The following RPS6KC1 variants were observed in gnomAD, a reference collection of about 807,000 sequenced individuals.
RPS6KC1 encodes the protein inactive ribosomal protein S6 kinase delta-1.
A neutral mutation model predicts 103.8 loss-of-function variants in RPS6KC1; 54 were observed. That is an observed-to-expected ratio of 0.52 (90% CI 0.42 to 0.65). RPS6KC1 has a LOEUF of 0.65. Among genes scored for constraint, RPS6KC1 ranks in the 30% least tolerant of loss-of-function variants. RPS6KC1 has a pLI of 0.00. For missense variants in RPS6KC1, 1,151 were observed against 1,253.8 expected (o/e 0.92, Z 1.24); for synonymous variants, 439 against 438.7 (o/e 1.00, Z -0.01).
At chr1:213,730,721 T>A in the RPS6KC1 span, among the ~76,000 whole-genome samples, 1 of 152,182 alleles carries the variant, frequency 6.6e-6, no homozygotes. Context: ...ATTCTGTAGG[T>A]TGTCTGTTTA....
chr1:213,142,787 T>C (rs907432142), intron 6 of RPS6KC1, among the ~76,000 whole-genome samples: 2 of 152,070 alleles, frequency 1.3e-5, no homozygotes, highest in African/African-American at 4.8e-5. Context: ...TTTTTAGCAA[T>C]ATTTTTAAAT....
At chr1:213,077,960 T>C in intron 3 of RPS6KC1, 144 bp downstream of exon 3, 2 of 429,774 alleles carry the variant, frequency 4.7e-6, no homozygotes, top group Non-Finnish European at 8.1e-6. Context: ...TGAAATTGTC[T>C]TTTCTTGTTC....
chr1:213,268,959 T>C (rs997051052), intron 14 of RPS6KC1, among the ~76,000 whole-genome samples: 2 of 151,800 alleles, frequency 1.3e-5, no homozygotes, highest in African/African-American at 4.8e-5. Flanking sequence ...AGACAGTAAA[T>C]CTAGAAAACA....
chr1:213,419,026 C>T, the RPS6KC1 span, among the ~76,000 whole-genome samples: 6 of 152,244 alleles, frequency 3.9e-5, no homozygotes, highest in South Asian at 2.1e-4. Flanking sequence ...CCCCAACCCA[C>T]GCACATTCTC....
chr1:213,248,130 A>G (rs1397976436), intron 12 of RPS6KC1, among the ~76,000 whole-genome samples: 1 of 152,124 alleles, frequency 6.6e-6, no homozygotes, highest in Non-Finnish European at 1.5e-5. Flanking sequence ...AGAATGTAAG[A>G]TTGATAGAGA....
chr1:213,173,893 T>C lies in RPS6KC1; in HGVS notation c.952-2507T>C, dbSNP rs1220169379. Reference sequence around the variant, plus strand: ...TTCATAGTTTGCTTTCTTTGCTCTTTAAATTGCCAAAGTGAACAAATAACT... The same window carrying C: ...TTCATAGTTTGCTTTCTTTGCTCTTCAAATTGCCAAAGTGAACAAATAACT... On this transcript the variant is annotated intron_variant, in intron 7 of 14. Transcript: ENST00000366960. 5.3e-5 allele frequency among the ~76,000 whole-genome samples: 8 copies of C among 152,212 alleles called. No homozygotes were observed. In the East Asian group the frequency reaches 1.5e-3, roughly 29 times the overall value.
chr1:213,854,059 G>A, the RPS6KC1 span, among the ~76,000 whole-genome samples: 1 of 152,180 alleles, frequency 6.6e-6, no homozygotes, highest in African/African-American at 2.4e-5. Context: ...TGAAAAAGAA[G>A]GGGAAAACTG....
chr1:213,175,006 G>A (rs893477313), intron 7 of RPS6KC1, among the ~76,000 whole-genome samples: 8 of 151,948 alleles, frequency 5.3e-5, no homozygotes, highest in Non-Finnish European at 1.0e-4. Flanking sequence ...ATCATTTCAG[G>A]TACAGTTAAA....
chr1:213,183,968 G>A (rs1427273292), intron 8 of RPS6KC1, among the ~76,000 whole-genome samples: 2 of 152,010 alleles, frequency 1.3e-5, no homozygotes, highest in African/African-American at 4.8e-5. Context: ...GATAACAAGG[G>A]AATACTACAA....
At chr1:213,719,775 A>G in the RPS6KC1 span, among the ~76,000 whole-genome samples, 5 of 152,270 alleles carry the variant, frequency 3.3e-5, no homozygotes, top group South Asian at 1.0e-3. Context: ...CAGGTGTCAT[A>G]CAGTACGTGG....
chr1:213,085,505 G>T (rs2080306575), intron 3 of RPS6KC1, among the ~76,000 whole-genome samples: 1 of 152,208 alleles, frequency 6.6e-6, no homozygotes, highest in African/African-American at 2.4e-5. Context: ...CCTTTGGGTA[G>T]ATATTTGTAA....
intron 6 of RPS6KC1, among the ~76,000 whole-genome samples, chr1:213,144,740 T>G (rs2087522733): frequency 6.6e-6 from 1 of 151,968 alleles, no homozygotes; most frequent in Non-Finnish European, 1.5e-5. Context: ...CAATATCATA[T>G]CAACACATAT....
the RPS6KC1 span, among the ~76,000 whole-genome samples, chr1:213,683,979 A>G: frequency 3.2e-4 from 48 of 152,206 alleles, no homozygotes; most frequent in Non-Finnish European, 5.9e-5. Context: ...CTAAAGGAAG[A>G]AGACCCTGAT....
chr1:213,809,676 C>A, the RPS6KC1 span, among the ~76,000 whole-genome samples: 1 of 152,102 alleles, frequency 6.6e-6, no homozygotes, highest in Non-Finnish European at 1.5e-5. Flanking sequence ...ATACTCATTA[C>A]AATGTAACCT....
At chr1:213,450,804 C>T in the RPS6KC1 span, among the ~76,000 whole-genome samples, 3 of 152,010 alleles carry the variant, frequency 2.0e-5, no homozygotes, top group Admixed American at 6.5e-5. Context: ...GGTGAAACTC[C>T]GTCTCTACTA....
At chr1:213,434,403 A>C in the RPS6KC1 span, among the ~76,000 whole-genome samples, 1 of 152,108 alleles carries the variant, frequency 6.6e-6, no homozygotes, top group Non-Finnish European at 1.5e-5. Flanking sequence ...TCTCATCTGC[A>C]TTGTTTCCAA....
the RPS6KC1 span, among the ~76,000 whole-genome samples, chr1:213,496,979 C>T: frequency 6.6e-6 from 1 of 152,286 alleles, no homozygotes; most frequent in East Asian, 1.9e-4. Flanking sequence ...CAGCAAACCA[C>T]TTGTTACTGT....
chr1:213,732,919 G>T, the RPS6KC1 span, among the ~76,000 whole-genome samples: 1 of 152,088 alleles, frequency 6.6e-6, no homozygotes, highest in African/African-American at 2.4e-5. Context: ...CCTGTGCCTG[G>T]CTTGTTTCAG....
the RPS6KC1 span, among the ~76,000 whole-genome samples, chr1:213,843,870 A>AT: frequency 0.034 from 5,176 of 151,762 alleles, 158 homozygotes; most frequent in East Asian, 0.085. Flanking sequence ...TTTAAATATT[A>AT]TTTTTTTATG....
Sources: allele counts gnomAD v4.1 joint callset (sites outside exome capture counted in the v4.1 genomes callset), GRCh38; gene constraint gnomAD v4.1.1; transcripts MANE v1.5; gene names NCBI Gene and HGNC (gene_info 2026-07-23, HGNC 2026-07-21).